The following STAG1 variants were observed in gnomAD, a reference collection of about 807,000 sequenced individuals.
STAG1 encodes STAG1 cohesin complex component.
A neutral mutation model predicts 170.9 loss-of-function variants in STAG1; 26 were observed. The ratio of observed to expected loss-of-function variants is 0.15; its 90% CI spans 0.11 to 0.21. The LOEUF (loss-of-function observed/expected upper bound fraction) is 0.21, where lower values mean the gene tolerates loss of function less well. STAG1 is among the 10% of genes least tolerant of loss of function. STAG1 has a pLI of 1.00. For synonymous variants in STAG1, 514 were observed against 497.7 expected (o/e 1.03, Z -0.44); for missense variants, 964 against 1,509.5 (o/e 0.64, Z 5.99).
At chr3:136,464,221 C>T (rs1045742132) in intron 13 of STAG1, among the ~76,000 whole-genome samples, 4 of 151,490 alleles carry the variant, frequency 2.6e-5, no homozygotes, top group African/African-American at 9.7e-5. Flanking sequence ...GTCGGGAGTT[C>T]GACACCGGCC....
At chr3:136,745,371 A>G (rs1934881682) in intron 1 of STAG1, among the ~76,000 whole-genome samples, 2 of 152,218 alleles carry the variant, frequency 1.3e-5, no homozygotes, top group Non-Finnish European at 2.9e-5. Context: ...ATCCTTCACT[A>G]CTGACTGGCA....
intron 9 of STAG1, among the ~76,000 whole-genome samples, chr3:136,493,419 C>T (rs1225722051): frequency 1.3e-5 from 2 of 152,026 alleles, no homozygotes; most frequent in Non-Finnish European, 2.9e-5. Context: ...CTTTGGGAGG[C>T]TAAGGCAGGT....
intron 7 of STAG1, among the ~76,000 whole-genome samples, chr3:136,514,278 A>C (rs1028850027): frequency 3.3e-5 from 5 of 152,236 alleles, no homozygotes; most frequent in African/African-American, 1.2e-4. Context: ...TCTCAAAAGA[A>C]GACATTTATG....
At chr3:136,345,099 A>G (rs533418569) in intron 29 of STAG1, among the ~76,000 whole-genome samples, 1 of 151,870 alleles carries the variant, frequency 6.6e-6, no homozygotes, top group Non-Finnish European at 1.5e-5. Context: ...ATAAATATAT[A>G]TATATTTTTT....
At chr3:136,738,437 G>A (rs1483067144) in intron 1 of STAG1, among the ~76,000 whole-genome samples, 3 of 152,206 alleles carry the variant, frequency 2.0e-5, no homozygotes, top group African/African-American at 7.2e-5. Flanking sequence ...GCTACAGTGA[G>A]CCAAAATCGC....
At chr3:136,370,435 G>A (rs934594492) in intron 23 of STAG1, among the ~76,000 whole-genome samples, 1 of 152,124 alleles carries the variant, frequency 6.6e-6, no homozygotes, top group African/African-American at 2.4e-5. Context: ...AGGTATACAT[G>A]TGCCATGTTG....
intron 7 of STAG1, among the ~76,000 whole-genome samples, chr3:136,513,442 A>T (rs1367070080): frequency 6.6e-6 from 1 of 152,154 alleles, no homozygotes; most frequent in African/African-American, 2.4e-5. Flanking sequence ...GAGGTAACAC[A>T]GTGGACAGAA....
chr3:136,604,799 A>C (rs1161890404), intron 3 of STAG1, among the ~76,000 whole-genome samples: 1 of 151,964 alleles, frequency 6.6e-6, no homozygotes, highest in Non-Finnish European at 1.5e-5. Flanking sequence ...TACAGACCCC[A>C]CCACCACGAC....
At chr3:136,576,288 T>A (rs1443009619) in intron 4 of STAG1, among the ~76,000 whole-genome samples, 3 of 152,130 alleles carry the variant, frequency 2.0e-5, no homozygotes, top group African/African-American at 7.2e-5. Context: ...TTTTTCTCTC[T>A]CACACACACA....
chr3:136,657,291 C>A (rs978588356), intron 1 of STAG1, among the ~76,000 whole-genome samples: 1 of 150,022 alleles, frequency 6.7e-6, no homozygotes, highest in East Asian at 2.0e-4. Flanking sequence ...CCTCACCTCC[C>A]GGGTTCAAGC....
At chr3:136,700,004 C>G (rs903967988) in intron 1 of STAG1, among the ~76,000 whole-genome samples, 4 of 151,890 alleles carry the variant, frequency 2.6e-5, no homozygotes, top group African/African-American at 7.3e-5. Flanking sequence ...TATTACTATT[C>G]ACAGCCCTCT....
At chr3:136,428,482 A>G (rs543553217) in intron 16 of STAG1, among the ~76,000 whole-genome samples, 1 of 152,200 alleles carries the variant, frequency 6.6e-6, no homozygotes, top group Non-Finnish European at 1.5e-5. Flanking sequence ...AAAATGGTCT[A>G]CTTGCTCCTA....
chr3:136,592,037 A>G (rs577902660), intron 4 of STAG1, among the ~76,000 whole-genome samples: 5 of 152,282 alleles, frequency 3.3e-5, no homozygotes, highest in African/African-American at 1.2e-4. Flanking sequence ...CAAAACCATC[A>G]AACTGAAGAA....
chr3:136,657,018 AAAG>A (rs1179565419), intron 1 of STAG1, among the ~76,000 whole-genome samples: 10 of 151,916 alleles, frequency 6.6e-5, no homozygotes, highest in Non-Finnish European at 8.8e-5. Context: ...GCCAAAAAAA[AAAG>A]AAACAATGTC....
chr3:136,525,586 T>A (rs902862546), intron 6 of STAG1, among the ~76,000 whole-genome samples: 1 of 152,336 alleles, frequency 6.6e-6, no homozygotes. Context: ...TTTTTCTGTC[T>A]CTATCTCCTT....
intron 3 of STAG1, among the ~76,000 whole-genome samples, chr3:136,610,052 T>C (rs1309280357): frequency 6.6e-6 from 1 of 152,192 alleles, no homozygotes; most frequent in African/African-American, 2.4e-5. Flanking sequence ...TTTTCTTTTT[T>C]TGAGATGGAG....
intron 3 of STAG1, among the ~76,000 whole-genome samples, chr3:136,605,271 AT>A (rs1483512667): frequency 1.3e-5 from 2 of 152,158 alleles, no homozygotes; most frequent in African/African-American, 4.8e-5. Context: ...TTAACATACC[AT>A]CCCCTCCCCC....
At chr3:136,659,343 T>TA (rs1396820391) in intron 1 of STAG1, among the ~76,000 whole-genome samples, 11 of 152,222 alleles carry the variant, frequency 7.2e-5, no homozygotes, top group African/African-American at 2.7e-4. Flanking sequence ...GCTGTTCTGT[T>TA]AACTTCAAGA....
At chr3:136,407,246 G>C (rs1159114046) in intron 21 of STAG1, among the ~76,000 whole-genome samples, 4 of 152,122 alleles carry the variant, frequency 2.6e-5, no homozygotes, top group Admixed American at 6.5e-5. Context: ...GGCTGGTCTC[G>C]AACTCTTGAC....
Sources: allele counts gnomAD v4.1 joint callset (sites outside exome capture counted in the v4.1 genomes callset), GRCh38; gene constraint gnomAD v4.1.1; transcripts MANE v1.5; gene names NCBI Gene and HGNC (gene_info 2026-07-23, HGNC 2026-07-21).